The following LILRB1 variants were observed in gnomAD, a reference collection of about 807,000 sequenced individuals.
LILRB1 encodes the protein leukocyte immunoglobulin-like receptor subfamily B member 1.
In LILRB1, 59 loss-of-function variants were observed where a neutral mutation model predicts 74.6. That is an observed-to-expected ratio of 0.79 (90% CI 0.64 to 0.98). LILRB1 has a LOEUF of 0.98. Ranked by LOEUF, LILRB1 falls within the 50% of genes least tolerant of loss-of-function variation. The probability of loss-of-function intolerance (pLI) is 0.00; values close to 1 mark genes in which losing one functional copy is unlikely to be tolerated. For synonymous variants in LILRB1, 328 were observed against 333.9 expected (o/e 0.98, Z 0.19); for missense variants, 804 against 822.6 (o/e 0.98, Z 0.28).
At position 54,632,533 on chromosome 19, in the gene LILRB1, T is replaced by C. The variant is rs1464226587; in HGVS notation, c.731T>C (p.Leu244Pro). The C allele has an allele frequency of 6.2e-7, 1 of 1,614,030 alleles. No individual in the cohort carries two copies. Among genetic ancestry groups the C allele is most frequent in the Non-Finnish European group, 8.5e-7 (1 of 1,179,942 alleles). The change falls in exon 6 of 15, where the codon CTG (leucine) becomes CCG (proline). Residue 244 changes from leucine to proline, a missense_variant. Physicochemically the swap from Leu to Pro is moderately conservative, Grantham distance 98. Transcript: ENST00000324602. The stretch of plus-strand genomic sequence containing the variant: ...GTGGCCCCTGAGGAGACCCTGACTC[T>C]GCAGTGTGGCTCTGATGCTGGCTAC... ...PIVAPEETLT[L>P]QCGSDAGYNR...
At chr19:54,633,728 T>G in intron 8 of LILRB1, 40 bp downstream of exon 8, 1 of 1,593,452 alleles carries the variant, frequency 6.3e-7, no homozygotes. Context: ...GAGTGCGGCC[T>G]CCCCCAGGGC....
chr19:54,632,941 C>T, intron 6 of LILRB1, 75 bp from the exon 7 acceptor site: 1 of 1,568,658 alleles, frequency 6.4e-7, no homozygotes, highest in Non-Finnish European at 8.6e-7. Context: ...CACTGAGGGT[C>T]CCAGAGGGAG....
At chr19:54,622,097 A>G (rs2063473043) in intron 1 of LILRB1, among the ~76,000 whole-genome samples, 1 of 152,212 alleles carries the variant, frequency 6.6e-6, no homozygotes, top group Non-Finnish European at 1.5e-5. Flanking sequence ...GCCTTATAGT[A>G]TAACTTGAAA....
chr19:54,636,922 G>A lies in LILRB1; in HGVS notation c.*44G>A. On this transcript the variant is annotated 3_prime_UTR_variant, in exon 15 of 15. Transcript: ENST00000324602. ...CCCCACACTCCATGGAGTCTGGAAT[G>A]CATGGGAGCTGCCCCCCCAGTGGAC... 6.2e-7 allele frequency: 1 copy of A among 1,610,726 alleles called. No individual in the cohort carries two copies. The highest frequency in any genetic ancestry group is 2.2e-5 in the East Asian group (1 of 44,816).
Position 54,633,276 on chromosome 19 carries a change from CT to C in LILRB1, c.1220del (p.Leu407ArgfsTer2). On this transcript the variant is annotated frameshift_variant, in exon 7 of 15. Transcript: ENST00000324602. LOFTEE classifies it high-confidence loss of function. Reference protein sequence around the residue: ...CYGSQSSKPYLLTHPSDPLEL... With the variant: ...CYGSQSSKPYXLTHPSDPLEL... Reference sequence around the variant, plus strand: ...CGGCTCACAGAGCTCCAAACCCTACCTGCTGACTCACCCCAGTGACCCCCTG... The same window carrying C: ...CGGCTCACAGAGCTCCAAACCCTACCGCTGACTCACCCCAGTGACCCCCTG... 6.2e-7 allele frequency: 1 copy of C among 1,614,052 alleles called. No homozygotes were observed. Among genetic ancestry groups the C allele is most frequent in the Non-Finnish European group, 8.5e-7 (1 of 1,179,960 alleles).
At chr19:54,634,176 C>T (rs147154418) in intron 9 of LILRB1, 155 bp downstream of exon 9, 24 of 1,503,988 alleles carry the variant, frequency 1.6e-5, no homozygotes, top group Admixed American at 6.5e-5. Context: ...GAGAGGCCTG[C>T]GGGTGGGAAA....
chr19:54,634,883 A>G (rs1345244423), intron 10 of LILRB1, 120 bp downstream of exon 10: 2 of 1,525,006 alleles, frequency 1.3e-6, no homozygotes, highest in Non-Finnish European at 1.8e-6. Flanking sequence ...ATTTCTCACC[A>G]GGCCAATCGA....
intron 1 of LILRB1, among the ~76,000 whole-genome samples, chr19:54,623,807 C>T (rs2063512215): frequency 6.6e-6 from 1 of 152,212 alleles, no homozygotes; most frequent in South Asian, 2.1e-4. Context: ...CACTTACTCT[C>T]TTCGAATTTA....
rs2064509313 is a variant in LILRB1, at chr19:54,637,085, G to A, written c.*207G>A. ...AACAGACTTCTCAATAATCAATGAA[G>A]TAGCTGAGAAAACTAAGTCAGAAAG... On this transcript the variant is annotated 3_prime_UTR_variant, in exon 15 of 15. Transcript: ENST00000324602. The A allele has an allele frequency of 1.2e-5, 7 of 585,912 alleles. No individual in the cohort carries two copies. In the South Asian group the frequency reaches 1.9e-4, roughly 16 times the overall value. 36.3% of individuals were successfully genotyped at this position (585,912 alleles called of 1,614,324 possible). A position where few individuals can be genotyped will look rare whatever the true frequency, so the allele number is the denominator to read the frequency against.
upstream of LILRB1, among the ~76,000 whole-genome samples, chr19:54,625,649 C>T (rs1415298058): frequency 6.6e-6 from 1 of 151,900 alleles, no homozygotes; most frequent in Admixed American, 6.6e-5. Context: ...CGCACTCACT[C>T]ACCCCTTCCC....
At position 54,636,891 on chromosome 19, in the gene LILRB1, C is replaced by A; in HGVS notation, c.*13C>A. The A allele has an allele frequency of 6.2e-7, 1 of 1,613,406 alleles. No individual in the cohort carries two copies. Among genetic ancestry groups the A allele is most frequent in the Non-Finnish European group, 8.5e-7 (1 of 1,179,524 alleles). ...GGCCATCCACTAGCCCAGGGGGGGA[C>A]GCAGACCCCACACTCCATGGAGTCT... is the stretch of plus-strand genomic sequence containing the variant. On this transcript the variant is annotated 3_prime_UTR_variant, in exon 15 of 15. Transcript: ENST00000324602.
At chr19:54,619,151 A>G (rs1188451872) in intron 1 of LILRB1, among the ~76,000 whole-genome samples, 1 of 152,138 alleles carries the variant, frequency 6.6e-6, no homozygotes, top group Non-Finnish European at 1.5e-5. Flanking sequence ...ACAGTTATAA[A>G]TATAAAGAGG....
chr19:54,636,447 G>T, intron 13 of LILRB1, 47 bp from the exon 14 acceptor site: 2 of 1,601,974 alleles, frequency 1.2e-6, no homozygotes, highest in Non-Finnish European at 1.7e-6. Flanking sequence ...TTGACTCCAG[G>T]GGGTCAGGAG....
At chr19:54,630,816 C>A in intron 1 of LILRB1, 183 bp downstream of exon 1, 1 of 762,962 alleles carries the variant, frequency 1.3e-6, no homozygotes, top group Non-Finnish European at 2.2e-6. Flanking sequence ...ACCAGACAGA[C>A]GGTGGCTGGG....
At chr19:54,632,817 G>T in intron 6 of LILRB1, 57 bp downstream of exon 6, 1 of 1,604,358 alleles carries the variant, frequency 6.2e-7, no homozygotes, top group East Asian at 2.2e-5. Context: ...CCCTGCCGGG[G>T]GAGCTCAGGT....
chr19:54,630,870 C>A, intron 1 of LILRB1, 156 bp from the exon 2 acceptor site: 1 of 629,910 alleles, frequency 1.6e-6, no homozygotes, highest in Non-Finnish European at 2.2e-6. Context: ...TGCAGAGGGC[C>A]TAGTGACTGC....
At chr19:54,630,155 A>G (rs2063724844), upstream of LILRB1, among the ~76,000 whole-genome samples, 2 of 152,288 alleles carry the variant, frequency 1.3e-5, no homozygotes, top group African/African-American at 4.8e-5. Flanking sequence ...AGGCTCAGAG[A>G]TGGTTCATTA....
rs1466298709 is a variant in LILRB1 at position 54,632,216 on chromosome 19, C to T, written c.640C>T (p.Leu214Phe). ...SPYEWSLPSD[L>F]LELLVLGVSK... The stretch of plus-strand genomic sequence containing the variant: ...CTATGAGTGGTCTCTACCCAGTGAT[C>T]TCCTGGAGCTCCTGGTCCTAGGTGA... Residue 214 changes from leucine (L) to phenylalanine (F), a missense_variant, in exon 5 of 15, where the codon CTC becomes TTC. Physicochemically the swap from Leu to Phe is conservative, Grantham distance 22 (BLOSUM62 0). Coordinates refer to ENST00000324602, the MANE Select transcript of LILRB1 (RefSeq NM_001081637.3). 18 of 1,613,134 alleles carry T rather than the reference C, an allele frequency of 1.1e-5. No homozygotes were observed. The highest frequency in any genetic ancestry group is 1.4e-5 in the Non-Finnish European group (16 of 1,179,280).
intron 1 of LILRB1, among the ~76,000 whole-genome samples, chr19:54,619,724 G>C (rs993954342): frequency 1.5e-4 from 23 of 151,942 alleles, no homozygotes; most frequent in Middle Eastern, 3.4e-3. Flanking sequence ...CTGTATGCCT[G>C]TTATATCTGT....
Sources: gnomAD v4.1 joint callset for allele counts (sites outside exome capture counted in the v4.1 genomes callset) on GRCh38, gnomAD v4.1.1 for gene constraint, MANE v1.5 for transcripts, NCBI Gene and HGNC (gene_info 2026-07-23, HGNC 2026-07-21) for gene names.